The following NR6A1 variants were observed in gnomAD, a reference collection of about 807,000 sequenced individuals.
The protein encoded by NR6A1 is retinoic acid receptor-related testis-associated receptor.
In NR6A1, 7 loss-of-function variants were observed where a neutral mutation model predicts 59.1. The ratio of observed to expected loss-of-function variants is 0.12; its 90% CI spans 0.07 to 0.22. NR6A1 has a LOEUF of 0.22. Among genes scored for constraint, NR6A1 ranks in the 10% least tolerant of loss-of-function variants. NR6A1 has a pLI of 1.00. For synonymous variants in NR6A1, 243 were observed against 236.1 expected, an observed-to-expected ratio of 1.03 and a Z score of -0.27; for missense variants, 468 against 611.6, an observed-to-expected ratio of 0.77 and a Z score of 2.48.
intron 2 of NR6A1, among the ~76,000 whole-genome samples, chr9:124,648,270 G>A (rs1353354230): frequency 6.6e-6 from 1 of 152,082 alleles, no homozygotes; most frequent in African/African-American, 2.4e-5. Context: ...GGCCAACACA[G>A]GAGGACTGCT....
intron 2 of NR6A1, among the ~76,000 whole-genome samples, chr9:124,646,147 T>A (rs1836922037): frequency 6.6e-6 from 1 of 152,128 alleles, no homozygotes; most frequent in Non-Finnish European, 1.5e-5. Context: ...ACTGAATGCA[T>A]ATGTTAGAAA....
intron 1 of NR6A1, among the ~76,000 whole-genome samples, chr9:124,739,038 G>A (rs1327606360): frequency 1.3e-5 from 2 of 150,658 alleles, no homozygotes; most frequent in Non-Finnish European, 3.0e-5. Context: ...AAATTAGCTG[G>A]GCTAATTTTG....
chr9:124,534,325 G>A (rs1385057170), intron 7 of NR6A1, among the ~76,000 whole-genome samples: 4 of 151,670 alleles, frequency 2.6e-5, no homozygotes, highest in South Asian at 2.1e-4. Flanking sequence ...CACCTGCCTC[G>A]GCCTCTCAAA....
intron 2 of NR6A1, among the ~76,000 whole-genome samples, chr9:124,657,431 G>A (rs755910913): frequency 1.3e-5 from 2 of 152,054 alleles, no homozygotes; most frequent in South Asian, 2.1e-4. Flanking sequence ...GAAAGTCCAC[G>A]GAAAAAAATG....
intron 2 of NR6A1, among the ~76,000 whole-genome samples, chr9:124,649,125 C>T (rs1837023403): frequency 6.6e-6 from 1 of 150,722 alleles, no homozygotes; most frequent in Admixed American, 6.6e-5. Context: ...TCAAAAGACC[C>T]CAAATAGCCA....
At chr9:124,637,536 G>A (rs1588729948) in intron 2 of NR6A1, among the ~76,000 whole-genome samples, 1 of 152,168 alleles carries the variant, frequency 6.6e-6, no homozygotes, top group South Asian at 2.1e-4. Context: ...AGACTCAAGA[G>A]AGGTTAGGTA....
At chr9:124,523,561 G>A (rs192171604) in intron 9 of NR6A1, among the ~76,000 whole-genome samples, 1 of 150,702 alleles carries the variant, frequency 6.6e-6, no homozygotes, top group Admixed American at 6.6e-5. Context: ...TGGAAGTGCC[G>A]CCAAGGCTGA....
chr9:124,767,459 G>A (rs1450282617), intron 1 of NR6A1, among the ~76,000 whole-genome samples: 1 of 149,566 alleles, frequency 6.7e-6, no homozygotes, highest in Admixed American at 6.7e-5. Flanking sequence ...TTTGCTCACT[G>A]TCGCCTTTCT....
intron 3 of NR6A1, among the ~76,000 whole-genome samples, chr9:124,552,813 A>G (rs1012405290): frequency 5.3e-5 from 8 of 152,168 alleles, no homozygotes; most frequent in African/African-American, 1.9e-4. Context: ...TAAATTATAA[A>G]CCACCTAAAT....
chr9:124,726,995 A>C (rs549455385), intron 2 of NR6A1, among the ~76,000 whole-genome samples: 2 of 152,352 alleles, frequency 1.3e-5, no homozygotes, highest in African/African-American at 4.8e-5. Context: ...GCACAGTTTA[A>C]CACTAAGCTC....
chr9:124,622,829 G>A (rs1190495124), intron 2 of NR6A1, among the ~76,000 whole-genome samples: 1 of 152,128 alleles, frequency 6.6e-6, no homozygotes, highest in Non-Finnish European at 1.5e-5. Flanking sequence ...TTCTCACAGA[G>A]GTGTAGATCC....
At chr9:124,529,102 C>T (rs1833024484) in intron 7 of NR6A1, among the ~76,000 whole-genome samples, 1 of 152,154 alleles carries the variant, frequency 6.6e-6, no homozygotes, top group Admixed American at 6.5e-5. Context: ...ATGGCTGACT[C>T]AGTTTCTCTC....
intron 1 of NR6A1, among the ~76,000 whole-genome samples, chr9:124,766,477 T>C (rs1427564869): frequency 6.6e-6 from 1 of 152,228 alleles, no homozygotes; most frequent in Admixed American, 6.5e-5. Context: ...TGTTTATCTG[T>C]TGATTCAGAA....
intron 2 of NR6A1, among the ~76,000 whole-genome samples, chr9:124,646,844 T>C (rs1836943014): frequency 6.6e-6 from 1 of 152,194 alleles, no homozygotes; most frequent in African/African-American, 2.4e-5. Flanking sequence ...ACAATCTAAA[T>C]AGGCCTACAG....
chr9:124,628,420 T>C (rs1198150900), intron 2 of NR6A1, among the ~76,000 whole-genome samples: 1 of 152,036 alleles, frequency 6.6e-6, no homozygotes, highest in African/African-American at 2.4e-5. Context: ...CTTGGCTCAC[T>C]GCAATCTGGG....
At chr9:124,725,528 C>T (rs375111964) in intron 2 of NR6A1, among the ~76,000 whole-genome samples, 3 of 152,148 alleles carry the variant, frequency 2.0e-5, no homozygotes, top group African/African-American at 4.8e-5. Context: ...AAATTAGCAA[C>T]GAAGTATTTC....
chr9:124,576,214 G>A (rs1345614193), intron 2 of NR6A1, among the ~76,000 whole-genome samples: 1 of 152,136 alleles, frequency 6.6e-6, no homozygotes, highest in East Asian at 1.9e-4. Flanking sequence ...TGTCCTTAAA[G>A]TTTTCTTTCC....
chr9:124,713,843 A>C (rs577974930), intron 2 of NR6A1, among the ~76,000 whole-genome samples: 24 of 152,360 alleles, frequency 1.6e-4, no homozygotes, highest in African/African-American at 5.8e-4. Flanking sequence ...TTCCTGAAAA[A>C]TTAAAAACAG....
At chr9:124,561,059 T>C (rs1834072073) in intron 2 of NR6A1, among the ~76,000 whole-genome samples, 1 of 151,940 alleles carries the variant, frequency 6.6e-6, no homozygotes, top group Admixed American at 6.6e-5. Context: ...TTTGTAAGAG[T>C]GAGCACTTAG....
Sources: allele counts gnomAD v4.1 joint callset (sites outside exome capture counted in the v4.1 genomes callset), GRCh38; gene constraint gnomAD v4.1.1; transcripts MANE v1.5; gene names NCBI Gene and HGNC (gene_info 2026-07-23, HGNC 2026-07-21).